The following ADAM23 variants were observed in gnomAD, a reference collection of about 807,000 sequenced individuals.
The protein encoded by ADAM23 is disintegrin and metalloproteinase domain-containing protein 23.
ADAM23 carries 33 observed loss-of-function variants against 120.1 expected under a neutral mutation model. The observed-to-expected ratio is 0.27, with a 90% CI of 0.21 to 0.37. The LOEUF (loss-of-function observed/expected upper bound fraction) is 0.37, where lower values mean the gene tolerates loss of function less well. Among genes scored for constraint, ADAM23 ranks in the 10% least tolerant of loss-of-function variants. ADAM23 has a pLI of 1.00. For synonymous variants in ADAM23, 367 were observed against 375.2 expected (o/e 0.98, Z 0.25); for missense variants, 862 against 1,058.2 (o/e 0.81, Z 2.57).
chr2:206,550,671 G>A (rs377685445), intron 9 of ADAM23, among the ~76,000 whole-genome samples: 4 of 148,626 alleles, frequency 2.7e-5, no homozygotes, highest in Non-Finnish European at 5.9e-5. Flanking sequence ...GCGCGATCTC[G>A]GCTCACTGCA....
At chr2:206,523,668 T>C (rs1450673871) in intron 3 of ADAM23, among the ~76,000 whole-genome samples, 1 of 152,110 alleles carries the variant, frequency 6.6e-6, no homozygotes, top group East Asian at 1.9e-4. Flanking sequence ...GGTTGAAAAA[T>C]TGTTATACTT....
intron 23 of ADAM23, 127 bp downstream of exon 23, chr2:206,595,032 A>G (rs1698497463): frequency 1.6e-6 from 2 of 1,245,074 alleles, no homozygotes; most frequent in East Asian, 2.4e-5. Context: ...AATGCAAAAA[A>G]TAGCTGGGCG....
chr2:206,588,167 T>G lies in ADAM23; in HGVS notation c.1852+13T>G, dbSNP rs1698359365. 1.2e-6 allele frequency: 2 copies of G among 1,613,734 alleles called. No individual in the cohort carries two copies. Among genetic ancestry groups the G allele is most frequent in the Non-Finnish European group, 8.5e-7 (1 of 1,179,764 alleles). ...ATCTGGGGAACAAGTAGGTCGCACC[T>G]CCTTGCTTGGCGGTTACACATACCA... On this transcript the variant is annotated intron_variant, in intron 20 of 25. Transcript: ENST00000264377.
At chr2:206,451,931 C>A (rs1271358817) in intron 2 of ADAM23, among the ~76,000 whole-genome samples, 5 of 152,164 alleles carry the variant, frequency 3.3e-5, no homozygotes, top group Non-Finnish European at 7.3e-5. Context: ...AGAGACAGAC[C>A]ATAAACATGT....
chr2:206,477,897 A>AAAATATATATATATATATATATAT (rs374524658), intron 2 of ADAM23, among the ~76,000 whole-genome samples: 12 of 93,592 alleles, frequency 1.3e-4, no homozygotes, highest in African/African-American at 4.1e-4. Context: ...AAAAAAAAAA[A>AAAATATATATATATATATATATAT]ATATATATAT....
intron 3 of ADAM23, among the ~76,000 whole-genome samples, chr2:206,507,343 G>A (rs1696516114): frequency 6.6e-6 from 1 of 151,958 alleles, no homozygotes; most frequent in South Asian, 2.1e-4. Context: ...TATCCCCCTG[G>A]GTACTGTCCT....
Position 206,530,952 on chromosome 2 carries a change from C to A in ADAM23, c.573+4C>A, listed in dbSNP as rs757549026. ...TGGGAAACCACAGTACTCTAAGGTA[C>A]GGTTACCGGCGTCGGCAAGTACTCT... On this transcript the variant is annotated splice_donor_region_variant and intron_variant, in intron 4 of 25. Coordinates refer to ENST00000264377, the MANE Select transcript of ADAM23 (RefSeq NM_003812.4). The A allele has an allele frequency of 6.2e-7, 1 of 1,612,394 alleles. No individual in the cohort carries two copies. Among genetic ancestry groups the A allele is most frequent in the Non-Finnish European group, 8.5e-7 (1 of 1,178,954 alleles).
chr2:206,598,000 A>G (rs905987040), intron 24 of ADAM23, among the ~76,000 whole-genome samples: 16 of 152,186 alleles, frequency 1.1e-4, no homozygotes, highest in African/African-American at 3.9e-4. Context: ...TAAGAATCAT[A>G]ATCACACCCT....
At chr2:206,522,571 G>A (rs1696865392) in intron 3 of ADAM23, among the ~76,000 whole-genome samples, 1 of 152,160 alleles carries the variant, frequency 6.6e-6, no homozygotes, top group Non-Finnish European at 1.5e-5. Context: ...TTACCAGAAG[G>A]CAAAGCTGAT....
chr2:206,466,829 A>G (rs1695550837), intron 2 of ADAM23, among the ~76,000 whole-genome samples: 1 of 152,224 alleles, frequency 6.6e-6, no homozygotes, highest in South Asian at 2.1e-4. Context: ...ATGGCTCTGC[A>G]GGCTATACAG....
intron 4 of ADAM23, among the ~76,000 whole-genome samples, chr2:206,538,796 A>G (rs530266311): frequency 6.6e-6 from 1 of 152,238 alleles, no homozygotes; most frequent in Non-Finnish European, 1.5e-5. Context: ...TTTTTTATAG[A>G]GGCAGGGTCT....
In ADAM23 at chr2:206,619,788, T is replaced by G. The variant is rs1446848926; in HGVS notation, c.*2161T>G. The G allele has an allele frequency of 6.6e-6, 1 of 152,214 alleles. No homozygotes were observed. The highest frequency in any genetic ancestry group is 2.1e-4 in the South Asian group (1 of 4,838). 9.4% of individuals were successfully genotyped at this position (152,214 alleles called of 1,614,324 possible). On this transcript the variant is annotated 3_prime_UTR_variant, in exon 26 of 26. Transcript: ENST00000264377. ...CTACAATAGACCATCACCAAACATC[T>G]TATCATGTTGTTGCTTTCTGAGTAA... is the stretch of plus-strand genomic sequence containing the variant.
chr2:206,545,746 A>G (rs1697385205), intron 6 of ADAM23, among the ~76,000 whole-genome samples: 1 of 152,208 alleles, frequency 6.6e-6, no homozygotes, highest in Non-Finnish European at 1.5e-5. Flanking sequence ...TGATTAAGTA[A>G]AATGTTATTT....
chr2:206,528,433 G>A (rs968640697), intron 3 of ADAM23, among the ~76,000 whole-genome samples: 1 of 152,202 alleles, frequency 6.6e-6, no homozygotes, highest in African/African-American at 2.4e-5. Flanking sequence ...TTATCCTTCA[G>A]TACACATTTG....
chr2:206,570,211 T>C (rs1211191514), intron 15 of ADAM23, among the ~76,000 whole-genome samples: 1 of 152,218 alleles, frequency 6.6e-6, no homozygotes, highest in Non-Finnish European at 1.5e-5. Context: ...ACACTTGAGA[T>C]TTCTTTTCAG....
At chr2:206,588,276 G>C in intron 20 of ADAM23, 122 bp downstream of exon 20, 2 of 1,031,454 alleles carry the variant, frequency 1.9e-6, no homozygotes. Context: ...AATCTAGAAA[G>C]GATGAGAATA....
At chr2:206,563,461 A>G (rs1697811849) in intron 13 of ADAM23, among the ~76,000 whole-genome samples, 1 of 152,200 alleles carries the variant, frequency 6.6e-6, no homozygotes, top group Non-Finnish European at 1.5e-5. Flanking sequence ...GCAAACTTCC[A>G]TTGATTATCT....
At chr2:206,468,201 C>G (rs1462395570) in intron 2 of ADAM23, among the ~76,000 whole-genome samples, 1 of 152,160 alleles carries the variant, frequency 6.6e-6, no homozygotes, top group East Asian at 1.9e-4. Context: ...TCTGCAATCC[C>G]CTTGAATTTT....
chr2:206,455,489 T>C (rs1384114666), intron 2 of ADAM23, among the ~76,000 whole-genome samples: 1 of 152,202 alleles, frequency 6.6e-6, no homozygotes, highest in Non-Finnish European at 1.5e-5. Flanking sequence ...TAGGCAAGCT[T>C]CTGCAGCAGG....
Sources: gnomAD v4.1 joint callset for allele counts (sites outside exome capture counted in the v4.1 genomes callset) on GRCh38, gnomAD v4.1.1 for gene constraint, MANE v1.5 for transcripts, NCBI Gene and HGNC (gene_info 2026-07-23, HGNC 2026-07-21) for gene names.